Variants in MAPK14 observed in about 807,000 individuals in gnomAD.
MAPK14 encodes mitogen-activated protein kinase 14, also known as CSAID-binding protein.
In MAPK14, 16 loss-of-function variants were observed where a neutral mutation model predicts 49.6. The observed-to-expected ratio is 0.32, with a 90% CI of 0.22 to 0.49. The LOEUF (loss-of-function observed/expected upper bound fraction) is 0.49, where lower values mean the gene tolerates loss of function less well. Ranked by LOEUF, MAPK14 falls within the 20% of genes least tolerant of loss-of-function variation. The probability of loss-of-function intolerance (pLI) is 0.99; values close to 1 mark genes in which losing one functional copy is unlikely to be tolerated. For missense variants in MAPK14, 200 were observed against 441.2 expected, an observed-to-expected ratio of 0.45 and a Z score of 4.90; for synonymous variants, 142 against 158.0, an observed-to-expected ratio of 0.90 and a Z score of 0.76.
chr6:36,122,541 A>G, the MAPK14 span, among the ~76,000 whole-genome samples: 5 of 152,128 alleles, frequency 3.3e-5, no homozygotes, highest in Non-Finnish European at 4.4e-5. Flanking sequence ...TCAGTGATGA[A>G]CAAAATAGAC....
rs2127417830 is a variant in MAPK14, at chr6:36,052,796, C to T, written c.214C>T (p.Leu72=). ...TCATGCGAAAAGAACCTACAGAGAA[C>T]TGCGGTTACTTAAACATATGAAACA... ...IIHAKRTYRE[L]RLLKHMKHEN... Residue 72 remains leucine (L), a synonymous_variant, in exon 2 of 12, where the codon CTG becomes TTG. Transcript: ENST00000229794. The T allele has an allele frequency of 6.2e-7, 1 of 1,611,306 alleles. No homozygotes were observed. Among genetic ancestry groups the T allele is most frequent in the African/African-American group, 1.3e-5 (1 of 74,872 alleles).
At chr6:36,122,214 A>C in the MAPK14 span, among the ~76,000 whole-genome samples, 1 of 152,218 alleles carries the variant, frequency 6.6e-6, no homozygotes, top group African/African-American at 2.4e-5. Flanking sequence ...TAGTTTACTT[A>C]GAAGGGGTGG....
chr6:36,053,028 T>C (rs574088678), intron 2 of MAPK14, among the ~76,000 whole-genome samples, 200 bp downstream of exon 2: 4 of 151,958 alleles, frequency 2.6e-5, no homozygotes, highest in Non-Finnish European at 5.9e-5. Context: ...AGTTTTAGTT[T>C]TACTCAAAGA....
At chr6:36,055,654 G>A (rs1001207107) in intron 2 of MAPK14, among the ~76,000 whole-genome samples, 3 of 152,052 alleles carry the variant, frequency 2.0e-5, no homozygotes, top group African/African-American at 7.2e-5. Context: ...AGAAATGGCT[G>A]GGCGCAGTGG....
intron 9 of MAPK14, chr6:36,098,048 A>G (rs1320404909): frequency 2.0e-5 from 3 of 152,156 alleles, no homozygotes; most frequent in African/African-American, 4.8e-5. Flanking sequence ...CGCATGATGT[A>G]TGGGAACAGA....
intron 8 of MAPK14, among the ~76,000 whole-genome samples, chr6:36,084,982 A>C (rs146616386): frequency 6.6e-6 from 1 of 152,354 alleles, no homozygotes; most frequent in East Asian, 1.9e-4. Context: ...GGACCTCAGC[A>C]AAAACCCTAC....
chr6:36,039,967 G>C (rs1209788756), intron 1 of MAPK14, among the ~76,000 whole-genome samples: 1 of 147,614 alleles, frequency 6.8e-6, no homozygotes, highest in Non-Finnish European at 1.5e-5. Flanking sequence ...CTGCACTCCT[G>C]TCTGGGCGAT....
At chr6:36,057,236 TGATA>T (rs1763622970) in intron 2 of MAPK14, among the ~76,000 whole-genome samples, 1 of 152,166 alleles carries the variant, frequency 6.6e-6, no homozygotes, top group Non-Finnish European at 1.5e-5. Flanking sequence ...TATACACAAA[TGATA>T]GATATGCTGT....
At chr6:36,115,773 A>G (rs555466173), downstream of MAPK14, among the ~76,000 whole-genome samples, 189 of 152,170 alleles carry the variant, frequency 1.2e-3, no homozygotes, top group African/African-American at 4.3e-3. Flanking sequence ...AGTACAAGAT[A>G]GAAAAATTAG....
At chr6:36,065,518 G>GTGTGTGTGTA (rs1764017712) in intron 3 of MAPK14, among the ~76,000 whole-genome samples, 1 of 149,834 alleles carries the variant, frequency 6.7e-6, no homozygotes, top group African/African-American at 2.5e-5. Context: ...GTGTGTGTGT[G>GTGTGTGTGTA]TGTGTGTGTG....
chr6:36,114,585 T>G (rs1766028032), downstream of MAPK14, among the ~76,000 whole-genome samples: 1 of 147,280 alleles, frequency 6.8e-6, no homozygotes, highest in Non-Finnish European at 1.5e-5. Flanking sequence ...ACCGCAGCAC[T>G]CCAGCCTGGG....
In MAPK14 at chr6:36,076,532, GC is replaced by G; in HGVS notation, c.611-3del. On this transcript the variant is annotated splice_polypyrimidine_tract_variant and splice_region_variant and intron_variant, in intron 7 of 11. Transcript: ENST00000229794. ...TATACTTTTACTTCTTTTTAATTTT[GC>G]CAGTTGATATTTGGTCAGTGGGATG... 6.2e-7 allele frequency: 1 copy of G among 1,609,344 alleles called. No individual in the cohort carries two copies. The highest frequency in any genetic ancestry group is 8.5e-7 in the Non-Finnish European group (1 of 1,175,862).
intron 2 of MAPK14, 101 bp downstream of exon 2, chr6:36,052,929 G>A (rs2127417999): frequency 2.8e-5 from 29 of 1,020,384 alleles, no homozygotes; most frequent in Non-Finnish European, 4.1e-5. Flanking sequence ...TGCATCAAAC[G>A]TTGGTCCCTG....
chr6:36,075,998 A>C, intron 7 of MAPK14, 36 bp downstream of exon 7: 1 of 1,608,580 alleles, frequency 6.2e-7, no homozygotes, highest in South Asian at 1.1e-5. Context: ...GCCTTATTTA[A>C]TTCCATGTTG....
intron 2 of MAPK14, among the ~76,000 whole-genome samples, chr6:36,058,309 G>A (rs181703093): frequency 5.1e-4 from 77 of 152,248 alleles, no homozygotes; most frequent in African/African-American, 1.5e-3. Context: ...CAATATTACG[G>A]TAACAACCAT....
intron 1 of MAPK14, among the ~76,000 whole-genome samples, chr6:36,044,257 C>T (rs1763085066): frequency 6.6e-6 from 1 of 152,106 alleles, no homozygotes; most frequent in Admixed American, 6.5e-5. Context: ...TCATCTATGA[C>T]CATTGAAAGA....
chr6:36,064,622 T>A (rs1488490995), intron 3 of MAPK14, among the ~76,000 whole-genome samples: 1 of 152,240 alleles, frequency 6.6e-6, no homozygotes, highest in Non-Finnish European at 1.5e-5. Context: ...TAACAATGAT[T>A]GCTCAACTAA....
intron 8 of MAPK14, among the ~76,000 whole-genome samples, chr6:36,083,908 A>C (rs1008743570): frequency 6.6e-6 from 1 of 152,078 alleles, no homozygotes; most frequent in African/African-American, 2.4e-5. Context: ...GACCCCTCCA[A>C]CAGGGGTCGC....
At chr6:36,078,769 G>A (rs938342457) in intron 8 of MAPK14, among the ~76,000 whole-genome samples, 4 of 152,170 alleles carry the variant, frequency 2.6e-5, no homozygotes, top group Admixed American at 1.3e-4. Context: ...ATTTTTATTT[G>A]TAATATACTT....
Sources: allele counts gnomAD v4.1 joint callset (sites outside exome capture counted in the v4.1 genomes callset), GRCh38; gene constraint gnomAD v4.1.1; transcripts MANE v1.5; gene names NCBI Gene and HGNC (gene_info 2026-07-23, HGNC 2026-07-21).